Variants in SLCO3A1 observed in about 807,000 individuals in gnomAD.
The protein encoded by SLCO3A1 is solute carrier organic anion transporter family member 3A1, also known as PGE1 transporter.
In SLCO3A1, 27 loss-of-function variants were observed where a neutral mutation model predicts 63.1. That is an observed-to-expected ratio of 0.43 (90% CI 0.32 to 0.59). SLCO3A1 has a LOEUF of 0.59. Ranked by LOEUF, SLCO3A1 falls within the 20% of genes least tolerant of loss-of-function variation. The probability of loss-of-function intolerance (pLI) is 0.09; values close to 1 mark genes in which losing one functional copy is unlikely to be tolerated. For missense variants in SLCO3A1, 773 were observed against 945.8 expected, an observed-to-expected ratio of 0.82 and a Z score of 2.40; for synonymous variants, 473 against 409.9, an observed-to-expected ratio of 1.15 and a Z score of -1.86.
At chr15:92,065,385 G>A (rs373699386) in intron 2 of SLCO3A1, among the ~76,000 whole-genome samples, 3 of 152,030 alleles carry the variant, frequency 2.0e-5, no homozygotes, top group Non-Finnish European at 4.4e-5. Context: ...ACCACACCCG[G>A]CCATTTACCC....
At position 92,126,181 on chromosome 15, in the gene SLCO3A1, C is replaced by G. The variant is rs148245677; in HGVS notation, c.1295C>G (p.Thr432Ser). 3 of 1,614,074 alleles carry G rather than the reference C, an allele frequency of 1.9e-6. No individual in the cohort carries two copies. The highest frequency in any genetic ancestry group is 2.5e-6 in the Non-Finnish European group (3 of 1,180,018). Residue 432 changes from threonine (T) to serine (S), a missense_variant, in exon 6 of 10, where the codon ACT becomes AGT. Coordinates refer to ENST00000318445, the MANE Select transcript of SLCO3A1 (RefSeq NM_013272.4). ...RMAMLVNLVS[T>S]ACYVSFLFLG... ...GCCATGCTCGTCAACCTGGTGTCCACTGCTTGCTACGTCTCCTTCCTCTTC... is the reference window on the plus strand; with the variant it reads ...GCCATGCTCGTCAACCTGGTGTCCAGTGCTTGCTACGTCTCCTTCCTCTTC...
At chr15:91,891,705 G>T (rs997983709) in intron 1 of SLCO3A1, among the ~76,000 whole-genome samples, 1 of 152,216 alleles carries the variant, frequency 6.6e-6, no homozygotes, top group Non-Finnish European at 1.5e-5. Flanking sequence ...ACAGCAATCT[G>T]TAAGTTAACA....
At chr15:91,926,601 G>GCC (rs1555450190) in intron 2 of SLCO3A1, among the ~76,000 whole-genome samples, 1 of 148,006 alleles carries the variant, frequency 6.8e-6, no homozygotes, top group East Asian at 2.0e-4. Flanking sequence ...GTGTGTGCGC[G>GCC]CGCGCACGCC....
Position 91,941,420 on chromosome 15 carries a change from C to T in SLCO3A1, c.646+24962C>T, listed in dbSNP as rs868784638. 3.7e-5 allele frequency: 15 copies of T among 409,764 alleles called. No individual in the cohort carries two copies. In the Middle Eastern group the frequency reaches 1.1e-3, roughly 29 times the overall value. The allele number at this position is 409,764 out of a possible 1,614,324, so 25.4% of individuals were successfully genotyped here. ...CAGCAGATCTGTGTCACGGGAGTGGCGCTGTCACTCGTTGAGGTGGTGGCC... is the reference window on the plus strand; with the variant it reads ...CAGCAGATCTGTGTCACGGGAGTGGTGCTGTCACTCGTTGAGGTGGTGGCC... On this transcript the variant is annotated intron_variant, in intron 2 of 9. Coordinates refer to ENST00000318445, the MANE Select transcript of SLCO3A1 (RefSeq NM_013272.4). This position sits in a 1 kb window ranked among gnomAD's most constrained non-coding sequence, Gnocchi z 4.4.
Position 91,950,729 on chromosome 15 carries a change from T to C in SLCO3A1, c.646+34271T>C, listed in dbSNP as rs1899970359. 6.6e-6 allele frequency among the ~76,000 whole-genome samples: 1 copy of C among 152,224 alleles called. No homozygotes were observed. Among genetic ancestry groups the C allele is most frequent in the Non-Finnish European group, 1.5e-5 (1 of 68,046 alleles). ...GTCTGATTGCTCTTGTCCCAAGTCA[T>C]TGCTTTTTGGGGTGAGGGCTGATGT... On this transcript the variant is annotated intron_variant, in intron 2 of 9. Coordinates refer to ENST00000318445, the MANE Select transcript of SLCO3A1 (RefSeq NM_013272.4). The surrounding 1 kb of genome is among the most constrained non-coding windows in gnomAD (Gnocchi z 4.4).
At chr15:91,992,806 A>C (rs1597198735) in intron 2 of SLCO3A1, among the ~76,000 whole-genome samples, 1 of 152,186 alleles carries the variant, frequency 6.6e-6, no homozygotes, top group South Asian at 2.1e-4. Flanking sequence ...AACTCTGGTG[A>C]GTTAAGGCAA....
intron 2 of SLCO3A1, among the ~76,000 whole-genome samples, chr15:92,017,550 G>A (rs2046453177): frequency 6.6e-6 from 1 of 152,172 alleles, no homozygotes. Flanking sequence ...GGATATTTAG[G>A]GGAACAGAGG....
rs1899674079 is a variant in SLCO3A1, at chr15:91,942,953, C to A, written c.646+26495C>A. ...AGTGGGCGTGGGGCCCAGGGCCCAG[C>A]CGTTTGACCTCGTTCTGCCTCCCTT... On this transcript the variant is annotated intron_variant, in intron 2 of 9. Coordinates refer to ENST00000318445, the MANE Select transcript of SLCO3A1 (RefSeq NM_013272.4). The surrounding 1 kb of genome is among the most constrained non-coding windows in gnomAD (Gnocchi z 4.1). 6.6e-6 allele frequency among the ~76,000 whole-genome samples: 1 copy of A among 152,214 alleles called. No individual in the cohort carries two copies. The highest frequency in any genetic ancestry group is 1.5e-5 in the Non-Finnish European group (1 of 68,034).
intron 2 of SLCO3A1, among the ~76,000 whole-genome samples, chr15:92,006,977 A>G (rs1458636771): frequency 6.6e-6 from 1 of 152,208 alleles, no homozygotes; most frequent in East Asian, 1.9e-4. Context: ...TCGTTAATTG[A>G]TAGTTTGGGA....
At chr15:92,108,852 C>T (rs754783983) in intron 4 of SLCO3A1, among the ~76,000 whole-genome samples, 70 of 152,216 alleles carry the variant, frequency 4.6e-4, no homozygotes, top group Middle Eastern at 3.4e-3. Context: ...TGTACCTGCC[C>T]CTGTGTACCC....
chr15:92,030,713 A>G (rs1418852019), intron 2 of SLCO3A1, among the ~76,000 whole-genome samples: 1 of 152,134 alleles, frequency 6.6e-6, no homozygotes, highest in Non-Finnish European at 1.5e-5. Flanking sequence ...CCACCCCACC[A>G]TGGCAGAGAG....
At position 92,032,812 on chromosome 15, in the gene SLCO3A1, T is replaced by C. The variant is rs2046670606; in HGVS notation, c.647-62069T>C. Among the ~76,000 whole-genome samples the C allele has an allele frequency of 1.3e-5, 2 of 151,898 alleles. 1 individual carries two copies. The highest frequency in any genetic ancestry group is 4.1e-4 in the South Asian group (2 of 4,824). On this transcript the variant is annotated intron_variant, in intron 2 of 9. Coordinates refer to ENST00000318445, the MANE Select transcript of SLCO3A1 (RefSeq NM_013272.4). Reference sequence around the variant, plus strand: ...ATCATGGAAGCAGTACTAAAAAGATTTGGAGCATGGTTGGATTGCCCTTAT... The same window carrying C: ...ATCATGGAAGCAGTACTAAAAAGATCTGGAGCATGGTTGGATTGCCCTTAT...
At chr15:91,881,229 C>G (rs1897576088) in intron 1 of SLCO3A1, among the ~76,000 whole-genome samples, 1 of 152,088 alleles carries the variant, frequency 6.6e-6, no homozygotes, top group Non-Finnish European at 1.5e-5. Flanking sequence ...GGACAGGAAG[C>G]AGAGGGAATT....
intron 2 of SLCO3A1, among the ~76,000 whole-genome samples, chr15:92,084,328 G>A (rs1048564174): frequency 6.6e-6 from 1 of 152,212 alleles, no homozygotes; most frequent in Non-Finnish European, 1.5e-5. Flanking sequence ...TGGTTTTTGA[G>A]AATGTCTGTG....
intron 3 of SLCO3A1, among the ~76,000 whole-genome samples, chr15:92,095,243 C>T (rs2047524222): frequency 6.6e-6 from 1 of 152,200 alleles, no homozygotes; most frequent in South Asian, 2.1e-4. Context: ...TCTGTATTTT[C>T]CTTATCTGTA....
intron 5 of SLCO3A1, among the ~76,000 whole-genome samples, chr15:92,125,627 G>A (rs963960004): frequency 6.6e-6 from 1 of 151,914 alleles, no homozygotes; most frequent in African/African-American, 2.4e-5. Context: ...AGAAGACGAG[G>A]AGAAAAATCC....
At chr15:92,124,115 G>A (rs2047893933) in intron 5 of SLCO3A1, among the ~76,000 whole-genome samples, 1 of 152,208 alleles carries the variant, frequency 6.6e-6, no homozygotes, top group South Asian at 2.1e-4. Flanking sequence ...TCATCCCAGA[G>A]CATCAGCACT....
intron 2 of SLCO3A1, among the ~76,000 whole-genome samples, chr15:91,996,159 A>G (rs1275604959): frequency 6.6e-6 from 1 of 152,180 alleles, no homozygotes; most frequent in Non-Finnish European, 1.5e-5. Context: ...CAGCTACAAC[A>G]TCAGTGTACA....
At chr15:91,884,603 T>G (rs1280111807) in intron 1 of SLCO3A1, among the ~76,000 whole-genome samples, 1 of 152,172 alleles carries the variant, frequency 6.6e-6, no homozygotes, top group African/African-American at 2.4e-5. Flanking sequence ...CTTATTGATT[T>G]ATTCAGCACA....
Sources: gnomAD v4.1 joint callset for allele counts (sites outside exome capture counted in the v4.1 genomes callset) on GRCh38, gnomAD v4.1.1 for gene constraint, Gnocchi (gnomAD v3.1) non-coding constraint, MANE v1.5 for transcripts, NCBI Gene and HGNC (gene_info 2026-07-23, HGNC 2026-07-21) for gene names.